The following MAPK10 variants were observed in gnomAD, a reference collection of about 807,000 sequenced individuals.
MAPK10 encodes JNK3 alpha protein kinase.
Under a neutral mutation model 59.3 loss-of-function variants are expected in MAPK10, and 25 were observed. The ratio of observed to expected loss-of-function variants is 0.42; its 90% CI spans 0.31 to 0.59. The LOEUF (loss-of-function observed/expected upper bound fraction) is 0.59. Ranked by LOEUF, MAPK10 falls within the 20% of genes least tolerant of loss-of-function variation. The pLI is 0.15. For missense variants in MAPK10, 351 were observed against 568.9 expected (o/e 0.62, Z 3.90); for synonymous variants, 190 against 200.5 (o/e 0.95, Z 0.44).
At chr4:86,088,953 T>A (rs1314175302) in intron 9 of MAPK10, among the ~76,000 whole-genome samples, 1 of 152,160 alleles carries the variant, frequency 6.6e-6, no homozygotes, top group Non-Finnish European at 1.5e-5. Flanking sequence ...ATCAGTTTGG[T>A]AGAACTGAAT....
intron 1 of MAPK10, among the ~76,000 whole-genome samples, chr4:86,469,935 A>G (rs756212189): frequency 2.6e-5 from 4 of 152,244 alleles, no homozygotes; most frequent in Non-Finnish European, 5.9e-5. Context: ...TCTAAAAGCC[A>G]TAGCAGAAAA....
In MAPK10 at chr4:86,017,334, G is replaced by T; in HGVS notation, c.1289C>A (p.Ser430Tyr). 2 of 1,614,138 alleles carry T rather than the reference G, an allele frequency of 1.2e-6. No homozygotes were observed. The highest frequency in any genetic ancestry group is 2.2e-5 in the South Asian group (2 of 91,074). Residue 430 changes from serine (S) to tyrosine (Y), a missense_variant, in exon 14 of 14, where the codon TCC becomes TAC. Coordinates refer to ENST00000641462, the MANE Select transcript of MAPK10 (RefSeq NM_138982.4). This position sits in a 1 kb window ranked among gnomAD's most constrained non-coding sequence, Gnocchi z 4.4. ...GGAGGAGATGTCATTGACAGACGAG[G>T]ATGGAGGGAGACTCTCACTGCTGTT... is the stretch of plus-strand genomic sequence containing the variant. ...AVNSSESLPP[S>Y]SSVNDISSMS...
intron 11 of MAPK10, among the ~76,000 whole-genome samples, chr4:86,043,821 T>C (rs2042036046): frequency 6.6e-6 from 1 of 152,138 alleles, no homozygotes; most frequent in South Asian, 2.1e-4. Flanking sequence ...TCGTAGAAAG[T>C]GGATTTTCAT....
intron 4 of MAPK10, among the ~76,000 whole-genome samples, chr4:86,142,074 C>T (rs1199240121): frequency 1.3e-5 from 2 of 152,190 alleles, no homozygotes; most frequent in South Asian, 2.1e-4. Context: ...CAAAAATTCA[C>T]TCACTACTGT....
At chr4:86,224,907 T>G (rs963875944) in intron 2 of MAPK10, among the ~76,000 whole-genome samples, 2 of 152,216 alleles carry the variant, frequency 1.3e-5, no homozygotes, top group African/African-American at 4.8e-5. Flanking sequence ...TCTATTGCAA[T>G]GAAAATTAAA....
chr4:86,504,983 C>T (rs1755622302), intron 1 of MAPK10, among the ~76,000 whole-genome samples: 1 of 152,156 alleles, frequency 6.6e-6, no homozygotes, highest in South Asian at 2.1e-4. Context: ...AGCCCATCCA[C>T]TCTGCATCCT....
intron 2 of MAPK10, among the ~76,000 whole-genome samples, chr4:86,331,570 A>AT (rs1696868673): frequency 6.6e-6 from 1 of 152,176 alleles, no homozygotes; most frequent in Non-Finnish European, 1.5e-5. Flanking sequence ...TAAGCTTAGG[A>AT]TGTGAGCAGC....
chr4:86,505,756 T>G (rs1363549833), intron 1 of MAPK10, among the ~76,000 whole-genome samples: 1 of 152,184 alleles, frequency 6.6e-6, no homozygotes, highest in Non-Finnish European at 1.5e-5. Context: ...ATGAAGGCAC[T>G]GAATTAGCCT....
At chr4:86,176,409 C>T (rs1162970155) in intron 3 of MAPK10, among the ~76,000 whole-genome samples, 1 of 152,092 alleles carries the variant, frequency 6.6e-6, no homozygotes, top group Non-Finnish European at 1.5e-5. Flanking sequence ...AATACCTCAA[C>T]AATAATTAAG....
At chr4:86,386,102 C>G (rs1564778149) in intron 1 of MAPK10, among the ~76,000 whole-genome samples, 1 of 152,168 alleles carries the variant, frequency 6.6e-6, no homozygotes, top group African/African-American at 2.4e-5. Flanking sequence ...TTAAAATGTG[C>G]CTTCTCCCAC....
At chr4:86,501,631 A>G (rs895387630) in intron 1 of MAPK10, among the ~76,000 whole-genome samples, 1 of 151,944 alleles carries the variant, frequency 6.6e-6, no homozygotes, top group African/African-American at 2.4e-5. Context: ...AAAGAGAAGT[A>G]ATAGTCTTAA....
chr4:86,170,405 A>G (rs12502087), intron 3 of MAPK10, among the ~76,000 whole-genome samples: 12,883 of 152,168 alleles, frequency 0.085, 1,212 homozygotes, highest in African/African-American at 0.23. Context: ...GGCAGAGGTT[A>G]CAATCCTAGT....
intron 1 of MAPK10, among the ~76,000 whole-genome samples, chr4:86,575,998 C>CGTGTGT (rs56886437): frequency 1.5e-3 from 219 of 147,358 alleles, no homozygotes; most frequent in African/African-American, 4.8e-3. Context: ...TGTGTGTATG[C>CGTGTGT]GTGTGTGTGT....
chr4:86,119,323 C>G (rs1457335021), intron 4 of MAPK10: 2 of 152,124 alleles, frequency 1.3e-5, no homozygotes, highest in Non-Finnish European at 2.9e-5. Flanking sequence ...CCAATAGGGC[C>G]GGGCGATGTG....
At chr4:86,050,133 C>G (rs552625661) in intron 11 of MAPK10, among the ~76,000 whole-genome samples, 2 of 152,232 alleles carry the variant, frequency 1.3e-5, no homozygotes, top group African/African-American at 4.8e-5. Context: ...CTCCATTTCA[C>G]TTGGTAACTC....
At chr4:86,046,586 C>A (rs1489483536) in intron 11 of MAPK10, among the ~76,000 whole-genome samples, 1 of 152,008 alleles carries the variant, frequency 6.6e-6, no homozygotes, top group Non-Finnish European at 1.5e-5. Flanking sequence ...TGATGAAGAA[C>A]AATTATTTGC....
chr4:86,295,572 G>A (rs2148830538), intron 2 of MAPK10, among the ~76,000 whole-genome samples: 1 of 152,000 alleles, frequency 6.6e-6, no homozygotes, highest in South Asian at 2.1e-4. Context: ...AATGCTTAAA[G>A]ATTATCTGCT....
At chr4:86,244,131 G>T (rs750245769) in intron 2 of MAPK10, among the ~76,000 whole-genome samples, 2 of 152,176 alleles carry the variant, frequency 1.3e-5, no homozygotes, top group Non-Finnish European at 2.9e-5. Context: ...CCACAGTGCT[G>T]CAAAGGCATG....
rs1479227555 is a variant in MAPK10 at position 86,012,171 on chromosome 4, T to C, written c.*5057A>G. 2.0e-5 allele frequency: 3 copies of C among 152,178 alleles called. No individual in the cohort carries two copies. The highest frequency in any genetic ancestry group is 4.4e-5 in the Non-Finnish European group (3 of 68,022). The allele number at this position is 152,178 out of a possible 1,614,324, so 9.4% of individuals were successfully genotyped here. A position where few individuals can be genotyped will look rare whatever the true frequency, so the allele number is the denominator to read the frequency against. On this transcript the variant is annotated 3_prime_UTR_variant, in exon 14 of 14. Coordinates refer to ENST00000641462, the MANE Select transcript of MAPK10 (RefSeq NM_138982.4). ...AAAAGAAATTACTGAATTGCAGATATACAACTAGTATCTACAGACAGAAAT... is the reference window on the plus strand; with the variant it reads ...AAAAGAAATTACTGAATTGCAGATACACAACTAGTATCTACAGACAGAAAT...
Sources: allele counts gnomAD v4.1 joint callset (sites outside exome capture counted in the v4.1 genomes callset), GRCh38; gene constraint gnomAD v4.1.1; non-coding constraint Gnocchi (gnomAD v3.1); transcripts MANE v1.5; gene names NCBI Gene and HGNC (gene_info 2026-07-23, HGNC 2026-07-21).